PRKN: variants seen among roughly 807,000 people sequenced by gnomAD.
PRKN encodes the protein E3 ubiquitin-protein ligase parkin.
Under a neutral mutation model 59.5 loss-of-function variants are expected in PRKN, and 56 were observed. The ratio of observed to expected loss-of-function variants is 0.94; its 90% CI spans 0.76 to 1.18. The LOEUF is 1.18. Among genes scored for constraint, PRKN ranks in the 50% most tolerant of loss-of-function variants. PRKN has a pLI of 0.00. For missense variants in PRKN, 657 were observed against 596.4 expected, an observed-to-expected ratio of 1.10 and a Z score of -1.06; for synonymous variants, 250 against 222.1, an observed-to-expected ratio of 1.13 and a Z score of -1.12.
At chr6:161,415,531 A>T (rs1011524925) in intron 9 of PRKN, among the ~76,000 whole-genome samples, 1 of 149,692 alleles carries the variant, frequency 6.7e-6, no homozygotes, top group Non-Finnish European at 1.5e-5. Context: ...GAGGAAACGC[A>T]GAGCCTTCCA....
chr6:161,824,508 C>G (rs937620086), intron 6 of PRKN, among the ~76,000 whole-genome samples: 2 of 152,096 alleles, frequency 1.3e-5, no homozygotes, highest in African/African-American at 4.8e-5. Context: ...GTGAATATGG[C>G]AGTTATGAAG....
chr6:161,874,170 T>C (rs1583280387), intron 6 of PRKN, among the ~76,000 whole-genome samples: 1 of 65,482 alleles, frequency 1.5e-5, no homozygotes, highest in African/African-American at 7.5e-5. Context: ...ATATAATATA[T>C]AATATATATT....
rs1460924995 is a variant in PRKN at position 161,566,848 on chromosome 6, A to T, written c.933+2507T>A. Among the ~76,000 whole-genome samples, 4 of 152,044 alleles carry T rather than the reference A, an allele frequency of 2.6e-5. No homozygotes were observed. Among genetic ancestry groups the T allele is most frequent in the Non-Finnish European group, 4.4e-5 (3 of 68,002 alleles). On this transcript the variant is annotated intron_variant, in intron 8 of 11. Transcript: ENST00000366898. This position sits in a 1 kb window ranked among gnomAD's most constrained non-coding sequence, Gnocchi z 4.1. ...ATGTTAAAGCCAGGCACATGATCACATTGGAGCCTCTGTTGTTGCTTCATC... is the reference window on the plus strand; with the variant it reads ...ATGTTAAAGCCAGGCACATGATCACTTTGGAGCCTCTGTTGTTGCTTCATC...
At chr6:161,786,626 C>T (rs530495006) in intron 6 of PRKN, among the ~76,000 whole-genome samples, 1 of 152,112 alleles carries the variant, frequency 6.6e-6, no homozygotes, top group African/African-American at 2.4e-5. Flanking sequence ...TTAATTATAA[C>T]TATGTTATAA....
At chr6:161,422,134 G>C (rs1788132572) in intron 9 of PRKN, among the ~76,000 whole-genome samples, 1 of 151,186 alleles carries the variant, frequency 6.6e-6, no homozygotes, top group African/African-American at 2.4e-5. Flanking sequence ...ATTCTACTTA[G>C]TTCCAGTTGA....
chr6:162,469,884 A>C (rs1169156757), intron 1 of PRKN, among the ~76,000 whole-genome samples: 3 of 152,190 alleles, frequency 2.0e-5, no homozygotes, highest in Non-Finnish European at 2.9e-5. Context: ...TATGGAAATA[A>C]AAAATTTAAA....
chr6:161,384,379 C>T (rs1786136291), intron 10 of PRKN, among the ~76,000 whole-genome samples: 1 of 151,472 alleles, frequency 6.6e-6, no homozygotes, highest in African/African-American at 2.4e-5. Context: ...CCTGTCTCTA[C>T]AAAAAATACA....
chr6:162,151,194 C>T (rs1782256937), intron 4 of PRKN, among the ~76,000 whole-genome samples: 1 of 152,194 alleles, frequency 6.6e-6, no homozygotes, highest in South Asian at 2.1e-4. Flanking sequence ...ACAGAATGTG[C>T]TCTCCACACT....
At chr6:162,218,563 AATTTTT>A (rs1300699017) in intron 3 of PRKN, among the ~76,000 whole-genome samples, 7 of 152,124 alleles carry the variant, frequency 4.6e-5, no homozygotes, top group African/African-American at 1.7e-4. Flanking sequence ...ATTAGTTATT[AATTTTT>A]AAGTTTACCA....
At chr6:162,015,530 T>C (rs539534379) in intron 5 of PRKN, among the ~76,000 whole-genome samples, 6 of 152,272 alleles carry the variant, frequency 3.9e-5, no homozygotes, top group Admixed American at 1.3e-4. Context: ...AGGAATGGCA[T>C]TTGTAAGCTG....
chr6:161,944,776 T>C (rs190364080), intron 6 of PRKN, among the ~76,000 whole-genome samples: 2 of 152,348 alleles, frequency 1.3e-5, no homozygotes, highest in East Asian at 3.9e-4. Context: ...GATTTTATCA[T>C]AGTCATGAAA....
intron 4 of PRKN, among the ~76,000 whole-genome samples, chr6:162,090,492 T>A (rs548663035): frequency 7.5e-4 from 115 of 152,338 alleles, no homozygotes; most frequent in African/African-American, 2.7e-3. Flanking sequence ...TACATTTCAC[T>A]TGTTTTGCCT....
chr6:162,293,690 A>G (rs1480153656), intron 2 of PRKN, among the ~76,000 whole-genome samples: 1 of 150,540 alleles, frequency 6.6e-6, no homozygotes, highest in African/African-American at 2.5e-5. Context: ...GCAGGCTGTC[A>G]GGAGGAATGT....
chr6:161,740,527 G>A (rs1167810583), intron 7 of PRKN, among the ~76,000 whole-genome samples: 2 of 152,230 alleles, frequency 1.3e-5, no homozygotes, highest in Admixed American at 1.3e-4. Context: ...CTGCTCCCAT[G>A]TAGGTGGCCT....
At chr6:161,485,254 G>A (rs1422861022) in intron 9 of PRKN, among the ~76,000 whole-genome samples, 2 of 152,162 alleles carry the variant, frequency 1.3e-5, no homozygotes, top group Non-Finnish European at 2.9e-5. Flanking sequence ...GGCAGAGAGT[G>A]CCTTGCATTT....
intron 7 of PRKN, among the ~76,000 whole-genome samples, chr6:161,655,177 C>T (rs562093295): frequency 7.4e-6 from 1 of 135,836 alleles, no homozygotes; most frequent in Non-Finnish European, 1.5e-5. Flanking sequence ...CACCCAGGCT[C>T]TCAGCATCAT....
intron 1 of PRKN, among the ~76,000 whole-genome samples, chr6:162,645,499 T>G (rs558438844): frequency 2.0e-5 from 3 of 152,212 alleles, no homozygotes; most frequent in Non-Finnish European, 4.4e-5. Flanking sequence ...GTTTTCTCTT[T>G]CATAGCATGG....
chr6:161,595,549 C>G (rs781328418), intron 7 of PRKN, among the ~76,000 whole-genome samples: 6 of 152,190 alleles, frequency 3.9e-5, no homozygotes, highest in Non-Finnish European at 8.8e-5. Flanking sequence ...ACATGGTGGC[C>G]TCAATGTATC....
chr6:161,434,620 C>T (rs749975930), intron 9 of PRKN, among the ~76,000 whole-genome samples: 41 of 152,110 alleles, frequency 2.7e-4, no homozygotes, highest in Non-Finnish European at 5.0e-4. Flanking sequence ...CTTGTGTAAT[C>T]GCTGAGCAAG....
Sources: gnomAD v4.1 joint callset for allele counts (sites outside exome capture counted in the v4.1 genomes callset) on GRCh38, gnomAD v4.1.1 for gene constraint, Gnocchi (gnomAD v3.1) non-coding constraint, MANE v1.5 for transcripts, NCBI Gene and HGNC (gene_info 2026-07-23, HGNC 2026-07-21) for gene names.